The following SSH2 variants were observed in gnomAD, a reference collection of about 807,000 sequenced individuals.
The protein encoded by SSH2 is slingshot protein phosphatase 2.
A neutral mutation model predicts 135.2 loss-of-function variants in SSH2; 37 were observed. The ratio of observed to expected loss-of-function variants is 0.27; its 90% confidence interval spans 0.21 to 0.36. SSH2 has a LOEUF of 0.36. Ranked by LOEUF, SSH2 falls within the 10% of genes least tolerant of loss-of-function variation. The pLI, the probability that SSH2 is intolerant of heterozygous loss-of-function variation, is 1.00. For synonymous variants in SSH2, 628 were observed against 646.2 expected (o/e 0.97, Z 0.43); for missense variants, 1,408 against 1,765.3 (o/e 0.80, Z 3.63).
chr17:29,858,404 T>C lies in SSH2; in HGVS notation c.64-9475A>G, dbSNP rs534203534. Among the ~76,000 whole-genome samples, 3 of 152,334 alleles carry C rather than the reference T, an allele frequency of 2.0e-5. No homozygotes were observed. In the East Asian group the frequency reaches 5.8e-4, roughly 29 times the overall value. On this transcript the variant is annotated intron_variant, in intron 1 of 15. Coordinates refer to ENST00000540801, the MANE Select transcript of SSH2 (RefSeq NM_001282129.2). ...ATGTTACAGGCTAAATTGTGTCCCC[T>C]AAAATTCACATGTTTAAGTTTCAAT...
At chr17:29,872,443 A>G (rs546247989) in intron 1 of SSH2, among the ~76,000 whole-genome samples, 1 of 152,308 alleles carries the variant, frequency 6.6e-6, no homozygotes, top group East Asian at 1.9e-4. Context: ...TTAAGTGGGT[A>G]CAGGAACAAT....
At chr17:29,674,526 A>G (rs1395871099) in intron 8 of SSH2, among the ~76,000 whole-genome samples, 1 of 152,228 alleles carries the variant, frequency 6.6e-6, no homozygotes, top group East Asian at 1.9e-4. Flanking sequence ...GGGAGGCTGC[A>G]GTAACTATCT....
At chr17:29,680,008 G>C (rs1019299200) in intron 6 of SSH2, among the ~76,000 whole-genome samples, 2 of 151,886 alleles carry the variant, frequency 1.3e-5, no homozygotes, top group Non-Finnish European at 2.9e-5. Context: ...TATTCTCATA[G>C]ATATAGGTAT....
intron 1 of SSH2, among the ~76,000 whole-genome samples, chr17:29,885,606 C>T (rs2066222899): frequency 6.6e-6 from 1 of 152,100 alleles, no homozygotes; most frequent in Non-Finnish European, 1.5e-5. Context: ...TTACCAATGA[C>T]CAATGATTTA....
intron 2 of SSH2, among the ~76,000 whole-genome samples, chr17:29,804,843 CTTTTTTTT>C (rs531310094): frequency 1.4e-4 from 14 of 98,996 alleles, no homozygotes; most frequent in African/African-American, 3.4e-4. Flanking sequence ...CCACATCTGG[CTTTTTTTT>C]TTTTTTTTTT....
intron 3 of SSH2, among the ~76,000 whole-genome samples, chr17:29,725,080 G>A (rs2039954360): frequency 6.7e-6 from 1 of 149,840 alleles, no homozygotes; most frequent in African/African-American, 2.5e-5. Flanking sequence ...AGGCACGGTG[G>A]CTCACGCCTG....
rs1555617843 is a variant in SSH2, at chr17:29,709,033, G to GAGAGAA, written c.189-5972_189-5971insTTCTCT. Among the ~76,000 whole-genome samples, 28 of 145,572 alleles carry GAGAGAA rather than the reference G, an allele frequency of 1.9e-4. 1 individual carries two copies. The highest frequency in any genetic ancestry group is 7.1e-4 in the African/African-American group (28 of 39,262). ...ATATATATAGAGAGAGAGAGAGAGA[G>GAGAGAA]AGAGAGAGAGAGAGAGAGAGCTAAT... On this transcript the variant is annotated intron_variant, in intron 3 of 15. Coordinates refer to ENST00000540801, the MANE Select transcript of SSH2 (RefSeq NM_001282129.2).
At chr17:29,647,295 C>A (rs112038012) in intron 14 of SSH2, among the ~76,000 whole-genome samples, 90 of 149,844 alleles carry the variant, frequency 6.0e-4, no homozygotes, top group Non-Finnish European at 1.1e-3. Context: ...AAGGTTGCAG[C>A]GAGCCGAGAC....
At chr17:29,753,901 G>A (rs2041033175) in intron 3 of SSH2, among the ~76,000 whole-genome samples, 1 of 151,724 alleles carries the variant, frequency 6.6e-6, no homozygotes, top group African/African-American at 2.4e-5. Context: ...CAATTCCACC[G>A]CTAGAAATTT....
intron 3 of SSH2, among the ~76,000 whole-genome samples, chr17:29,783,288 TATA>T (rs1207162868): frequency 1.4e-5 from 2 of 143,366 alleles, no homozygotes; most frequent in African/African-American, 2.6e-5. Context: ...ATATTATATA[TATA>T]ATATTTATAT....
At position 29,636,684 on chromosome 17, in the gene SSH2, C is replaced by G; in HGVS notation, c.1546G>C (p.Asp516His). 6.2e-7 allele frequency: 1 copy of G among 1,614,038 alleles called. No homozygotes were observed. Residue 516 changes from aspartate to histidine, a missense_variant, in exon 15 of 16, where the codon GAC becomes CAC. Coordinates refer to ENST00000540801, the MANE Select transcript of SSH2 (RefSeq NM_001282129.2). ...ATGGTCTTCACCTCAGCAATCTGGT[C>G]TGCTGAGGTGGTGATATCCTTCTTG... ...LNKKDITTSA[D>H]QIAEVKTMES...
chr17:29,793,932 T>C lies in SSH2; in HGVS notation c.150A>G (p.Ala50=). 6.2e-7 allele frequency: 1 copy of C among 1,613,042 alleles called. No homozygotes were observed. The highest frequency in any genetic ancestry group is 8.5e-7 in the Non-Finnish European group (1 of 1,179,090). ...ESEIFTDSNE[A]DSGEEECRSQ... is the part of the protein sequence containing the mutation. ...ACCGGCATTCTTCCTCCCCACTGTC[T>C]GCCTCCTGTATAGACAGAAAATGAA... Residue 50 remains alanine (A), a synonymous_variant, in exon 3 of 16, where the codon GCA becomes GCG. Coordinates refer to ENST00000540801, the MANE Select transcript of SSH2 (RefSeq NM_001282129.2).
chr17:29,899,368 G>A (rs1038716461), intron 1 of SSH2, among the ~76,000 whole-genome samples: 12 of 152,086 alleles, frequency 7.9e-5, no homozygotes, highest in South Asian at 6.2e-4. Flanking sequence ...ATGATTGTAT[G>A]TCTAGAAAAC....
intron 2 of SSH2, among the ~76,000 whole-genome samples, chr17:29,802,821 A>G (rs1389415544): frequency 1.3e-5 from 2 of 152,098 alleles, no homozygotes; most frequent in African/African-American, 4.8e-5. Flanking sequence ...TGAGTCTGCA[A>G]TGATGGAAAT....
intron 3 of SSH2, among the ~76,000 whole-genome samples, chr17:29,709,667 A>G (rs1199110658): frequency 6.6e-6 from 1 of 151,994 alleles, no homozygotes. Context: ...ACAGAGCGAA[A>G]CTCCATTTCA....
intron 3 of SSH2, among the ~76,000 whole-genome samples, chr17:29,752,900 T>C (rs2040994922): frequency 6.7e-6 from 1 of 148,956 alleles, no homozygotes; most frequent in Non-Finnish European, 1.5e-5. Flanking sequence ...TCCATAGCAA[T>C]AAGGGGAATT....
At chr17:29,821,756 G>A (rs1401126215) in intron 2 of SSH2, among the ~76,000 whole-genome samples, 1 of 151,460 alleles carries the variant, frequency 6.6e-6, no homozygotes, top group East Asian at 1.9e-4. Context: ...TGATTCTCCT[G>A]CCTCAGCCTC....
At chr17:29,694,455 G>A (rs1028012443) in intron 5 of SSH2, among the ~76,000 whole-genome samples, 5 of 152,196 alleles carry the variant, frequency 3.3e-5, no homozygotes, top group African/African-American at 1.2e-4. Context: ...TGGATCACGA[G>A]GTCAGGAGTT....
chr17:29,679,950 C>T (rs2037898074), intron 6 of SSH2, among the ~76,000 whole-genome samples: 1 of 151,948 alleles, frequency 6.6e-6, no homozygotes, highest in Non-Finnish European at 1.5e-5. Flanking sequence ...AATTATTTAA[C>T]CTCTCTCAGC....
Sources: gnomAD v4.1 joint callset for allele counts (sites outside exome capture counted in the v4.1 genomes callset) on GRCh38, gnomAD v4.1.1 for gene constraint, MANE v1.5 for transcripts, NCBI Gene and HGNC (gene_info 2026-07-23, HGNC 2026-07-21) for gene names.